CADM2: variants seen among roughly 807,000 people sequenced by gnomAD.
CADM2 encodes the protein immunoglobulin superfamily member 4D.
CADM2 carries 12 observed loss-of-function variants against 49.8 expected under a neutral mutation model. The ratio of observed to expected loss-of-function variants is 0.24; its 90% CI spans 0.15 to 0.39. The LOEUF (loss-of-function observed/expected upper bound fraction) is 0.39. CADM2 is among the 10% of genes least tolerant of loss of function. The pLI, the probability that CADM2 is intolerant of heterozygous loss-of-function variation, is 1.00. For synonymous variants in CADM2, 214 were observed against 175.4 expected, an observed-to-expected ratio of 1.22 and a Z score of -1.74; for missense variants, 378 against 492.3, an observed-to-expected ratio of 0.77 and a Z score of 2.20.
chr3:85,789,412 A>G (rs1482538382), intron 2 of CADM2, among the ~76,000 whole-genome samples: 3 of 152,228 alleles, frequency 2.0e-5, no homozygotes, highest in African/African-American at 7.2e-5. Flanking sequence ...TGTATACATA[A>G]TAATTACCAT....
intron 1 of CADM2, among the ~76,000 whole-genome samples, chr3:85,687,970 T>A (rs73845620): frequency 0.16 from 23,640 of 152,114 alleles, 2,025 homozygotes; most frequent in African/African-American, 0.21. Context: ...GAACTGCGCA[T>A]TCCAGGGATC....
At chr3:85,999,546 G>GA (rs1396144105) in intron 8 of CADM2, among the ~76,000 whole-genome samples, 1 of 138,602 alleles carries the variant, frequency 7.2e-6, no homozygotes, top group South Asian at 2.7e-4. Context: ...AGGAAGGAAA[G>GA]AAAGAAGGAA....
intron 5 of CADM2, among the ~76,000 whole-genome samples, chr3:85,904,916 T>C (rs977517930): frequency 6.6e-6 from 1 of 152,200 alleles, no homozygotes; most frequent in Admixed American, 6.5e-5. Context: ...TTTGCCTCTA[T>C]AGGAGATGAA....
At chr3:85,819,183 A>C (rs2073400521) in intron 3 of CADM2, among the ~76,000 whole-genome samples, 1 of 152,186 alleles carries the variant, frequency 6.6e-6, no homozygotes. Context: ...AAGAAGATGA[A>C]AGCCAGAAGA....
At chr3:85,086,557 G>C (rs984150406) in intron 1 of CADM2, among the ~76,000 whole-genome samples, 5 of 147,046 alleles carry the variant, frequency 3.4e-5, no homozygotes, top group Non-Finnish European at 7.4e-5. Context: ...TGTTGCCCAG[G>C]CTAGAGTGCG....
intron 8 of CADM2, among the ~76,000 whole-genome samples, chr3:86,027,518 T>C (rs961568593): frequency 1.3e-5 from 2 of 152,138 alleles, no homozygotes; most frequent in Non-Finnish European, 2.9e-5. Context: ...ATAGAAACTA[T>C]GCTCTCTTTT....
intron 1 of CADM2, among the ~76,000 whole-genome samples, chr3:85,204,034 G>A (rs28538304): frequency 0.041 from 6,185 of 152,132 alleles, 151 homozygotes; most frequent in Middle Eastern, 0.082. Flanking sequence ...TGGTTTTATC[G>A]AAATAAAAAG....
chr3:85,919,099 A>G (rs759493585), intron 6 of CADM2, among the ~76,000 whole-genome samples: 1 of 152,074 alleles, frequency 6.6e-6, no homozygotes, highest in Non-Finnish European at 1.5e-5. Flanking sequence ...GCATTTTAAT[A>G]CTGTAACTAA....
intron 1 of CADM2, among the ~76,000 whole-genome samples, chr3:85,399,337 C>T (rs1374154263): frequency 6.6e-6 from 1 of 152,060 alleles, no homozygotes; most frequent in Non-Finnish European, 1.5e-5. Context: ...TGTTCTGTTC[C>T]ATTGGTCTAT....
chr3:85,280,528 A>G lies in CADM2; in HGVS notation c.61+320860A>G, dbSNP rs567069939. On this transcript the variant is annotated intron_variant, in intron 1 of 9. Transcript: ENST00000383699. ...TTGACTATAATGTGCCTTCATGTGC[A>G]TTTCTTTGGATTTTTCTTATTTGAG... Among the ~76,000 whole-genome samples the G allele has an allele frequency of 3.3e-5, 5 of 151,726 alleles. No individual in the cohort carries two copies. The East Asian group carries it at 9.7e-4, about 29-fold the overall frequency.
chr3:85,283,977 T>C (rs2043566201), intron 1 of CADM2, among the ~76,000 whole-genome samples: 1 of 152,132 alleles, frequency 6.6e-6, no homozygotes, highest in South Asian at 2.1e-4. Context: ...ACCACAGTGT[T>C]GAGTCTATGA....
chr3:85,396,831 G>C (rs2034817426), intron 1 of CADM2, among the ~76,000 whole-genome samples: 1 of 151,984 alleles, frequency 6.6e-6, no homozygotes, highest in Admixed American at 6.6e-5. Flanking sequence ...AAATTTTCAT[G>C]ACATTGGATT....
In CADM2 at chr3:85,301,630, A is replaced by G. The variant is rs541734569; in HGVS notation, c.61+341962A>G. Among the ~76,000 whole-genome samples the G allele has an allele frequency of 6.7e-4, 102 of 152,168 alleles. 1 individual carries two copies. The highest frequency in any genetic ancestry group is 2.4e-3 in the African/African-American group (98 of 41,548). ...TGACTTCACATGTGATGTTATTTAC[A>G]TATAGTCTGCTTGCCTTTTATAAAA... On this transcript the variant is annotated intron_variant, in intron 1 of 9. Coordinates refer to ENST00000383699, the MANE Select transcript of CADM2 (RefSeq NM_001167675.2).
At chr3:85,505,320 A>G (rs1427549156) in intron 1 of CADM2, among the ~76,000 whole-genome samples, 1 of 152,276 alleles carries the variant, frequency 6.6e-6, no homozygotes, top group African/African-American at 2.4e-5. Context: ...CATATATACA[A>G]ATGTGCTCAC....
At chr3:85,153,998 G>A (rs367788763) in intron 1 of CADM2, among the ~76,000 whole-genome samples, 14 of 152,138 alleles carry the variant, frequency 9.2e-5, no homozygotes, top group Non-Finnish European at 1.3e-4. Flanking sequence ...AAAAAACAGA[G>A]CAGAAAAACT....
At chr3:85,946,462 G>T (rs925842475) in intron 7 of CADM2, among the ~76,000 whole-genome samples, 5 of 151,934 alleles carry the variant, frequency 3.3e-5, no homozygotes, top group South Asian at 2.1e-4. Flanking sequence ...AAAAGAGCCC[G>T]CATCGCCAAG....
intron 1 of CADM2, among the ~76,000 whole-genome samples, chr3:85,433,831 T>C (rs2036801177): frequency 1.3e-5 from 2 of 152,144 alleles, no homozygotes; most frequent in Admixed American, 1.3e-4. Flanking sequence ...CAGGAAATGA[T>C]ACTTAGAATC....
At chr3:85,423,202 G>A (rs891949141) in intron 1 of CADM2, among the ~76,000 whole-genome samples, 2 of 151,980 alleles carry the variant, frequency 1.3e-5, no homozygotes, top group Non-Finnish European at 2.9e-5. Flanking sequence ...TTTCTTCTCT[G>A]CCACCCTACT....
intron 1 of CADM2, among the ~76,000 whole-genome samples, chr3:85,387,424 C>T (rs978914319): frequency 1.3e-5 from 2 of 152,092 alleles, no homozygotes; most frequent in Non-Finnish European, 2.9e-5. Flanking sequence ...CACTATTGAA[C>T]AGAGTTGCAT....
Sources: gnomAD v4.1 joint callset for allele counts (sites outside exome capture counted in the v4.1 genomes callset) on GRCh38, gnomAD v4.1.1 for gene constraint, MANE v1.5 for transcripts, NCBI Gene and HGNC (gene_info 2026-07-23, HGNC 2026-07-21) for gene names.